RPH3A: variants seen among roughly 807,000 people sequenced by gnomAD.
RPH3A encodes rabphilin 3A, also known as rabphilin-3A.
Under a neutral mutation model 102.2 loss-of-function variants are expected in RPH3A, and 48 were observed. The observed-to-expected ratio is 0.47, with a 90% CI of 0.37 to 0.60. The LOEUF (loss-of-function observed/expected upper bound fraction) is 0.60, where lower values mean the gene tolerates loss of function less well. Among genes scored for constraint, RPH3A ranks in the 20% least tolerant of loss-of-function variants. The pLI, the probability that RPH3A is intolerant of heterozygous loss-of-function variation, is 0.00. For synonymous variants in RPH3A, 310 were observed against 324.3 expected, an observed-to-expected ratio of 0.96 and a Z score of 0.47; for missense variants, 781 against 910.1, an observed-to-expected ratio of 0.86 and a Z score of 1.83.
intron 1 of RPH3A, among the ~76,000 whole-genome samples, chr12:112,712,925 C>CTTCTTCTTCTTCCTCT (rs1565856803): frequency 5.3e-5 from 5 of 94,528 alleles, no homozygotes; most frequent in African/African-American, 1.8e-4. Flanking sequence ...CTTCTTCTTC[C>CTTCTTCTTCTTCCTCT]TCTTCTTCTT....
chr12:112,858,148 TCA>T (rs2042441585), intron 5 of RPH3A, among the ~76,000 whole-genome samples: 1 of 148,056 alleles, frequency 6.8e-6, no homozygotes, highest in Non-Finnish European at 1.5e-5. Context: ...GCACCTGGAG[TCA>T]CAACTACTTG....
intron 1 of RPH3A, among the ~76,000 whole-genome samples, chr12:112,647,732 A>G (rs2039941910): frequency 6.6e-6 from 1 of 152,172 alleles, no homozygotes. Context: ...AAGAGCAGGG[A>G]ACAGCTTTTC....
At chr12:112,891,256 T>C (rs1189044567) in intron 19 of RPH3A, 2 of 508,476 alleles carry the variant, frequency 3.9e-6, no homozygotes, top group Admixed American at 3.4e-5. Flanking sequence ...GGCCTGCTGA[T>C]GGCTCTGCAA....
intron 1 of RPH3A, among the ~76,000 whole-genome samples, chr12:112,633,136 G>A (rs968317762): frequency 2.0e-5 from 3 of 152,154 alleles, no homozygotes; most frequent in Non-Finnish European, 2.9e-5. Context: ...GAGCCCAGGA[G>A]TTCACTTGAG....
intron 1 of RPH3A, among the ~76,000 whole-genome samples, chr12:112,602,652 G>T (rs2039567556): frequency 6.6e-6 from 1 of 152,136 alleles, no homozygotes; most frequent in African/African-American, 2.4e-5. Context: ...AACCAGGCGT[G>T]GTGGTGCATG....
intron 1 of RPH3A, among the ~76,000 whole-genome samples, chr12:112,739,746 C>T (rs1025461026): frequency 2.6e-5 from 4 of 152,344 alleles, no homozygotes; most frequent in Middle Eastern, 3.4e-3. Context: ...TTCCACACTT[C>T]TTTGTCACTT....
intron 1 of RPH3A, among the ~76,000 whole-genome samples, chr12:112,648,488 A>C (rs558993334): frequency 6.8e-6 from 1 of 146,264 alleles, no homozygotes; most frequent in East Asian, 2.0e-4. Flanking sequence ...GAATCCCAGC[A>C]CTTTGGGAGG....
intron 1 of RPH3A, among the ~76,000 whole-genome samples, chr12:112,774,920 A>G (rs565129261): frequency 1.3e-5 from 2 of 152,314 alleles, no homozygotes; most frequent in African/African-American, 4.8e-5. Flanking sequence ...ATGTTTACCT[A>G]TGTAACAAAC....
chr12:112,817,191 A>G (rs185320419), intron 2 of RPH3A, among the ~76,000 whole-genome samples: 1 of 152,260 alleles, frequency 6.6e-6, no homozygotes, highest in East Asian at 1.9e-4. Context: ...GCTATGCACT[A>G]TCATTGTTGA....
intron 1 of RPH3A, among the ~76,000 whole-genome samples, chr12:112,763,294 G>C (rs934622171): frequency 1.3e-5 from 2 of 152,234 alleles, no homozygotes; most frequent in African/African-American, 4.8e-5. Flanking sequence ...AATACTTGAA[G>C]AGATTTATTC....
chr12:112,710,065 C>G (rs1174122639), intron 1 of RPH3A, among the ~76,000 whole-genome samples: 1 of 152,062 alleles, frequency 6.6e-6, no homozygotes, highest in Non-Finnish European at 1.5e-5. Context: ...AGCTCCGCCG[C>G]CCGGGTTCAC....
At chr12:112,751,391 G>A (rs1017027808) in intron 1 of RPH3A, among the ~76,000 whole-genome samples, 6 of 152,164 alleles carry the variant, frequency 3.9e-5, no homozygotes, top group Admixed American at 6.5e-5. Context: ...GTTGTGTGAC[G>A]TTGAAAGGTT....
chr12:112,839,626 A>G (rs2042109760), intron 4 of RPH3A, among the ~76,000 whole-genome samples: 1 of 152,224 alleles, frequency 6.6e-6, no homozygotes, highest in South Asian at 2.1e-4. Context: ...GACTAGTGCA[A>G]CATCACTCCC....
At chr12:112,682,667 A>G (rs2040235649) in intron 1 of RPH3A, among the ~76,000 whole-genome samples, 1 of 152,162 alleles carries the variant, frequency 6.6e-6, no homozygotes, top group Non-Finnish European at 1.5e-5. Context: ...TCCAGCCAGC[A>G]GCAGAGAGAT....
At chr12:112,693,315 G>T (rs1364535351) in intron 1 of RPH3A, among the ~76,000 whole-genome samples, 1 of 152,176 alleles carries the variant, frequency 6.6e-6, no homozygotes, top group Admixed American at 6.5e-5. Flanking sequence ...TGTCACTCTG[G>T]CTGGTGACAT....
chr12:112,873,658 G>A (rs148442412), intron 10 of RPH3A, among the ~76,000 whole-genome samples: 14 of 152,262 alleles, frequency 9.2e-5, no homozygotes, highest in Middle Eastern at 3.4e-3. Flanking sequence ...TCCTACCTTC[G>A]GGGCTTCCTG....
chr12:112,621,632 G>T (rs982930145), intron 1 of RPH3A, among the ~76,000 whole-genome samples: 4 of 151,596 alleles, frequency 2.6e-5, no homozygotes, highest in Middle Eastern at 3.4e-3. Context: ...GGCTGGGGGA[G>T]GGGCGCCCGC....
intron 1 of RPH3A, among the ~76,000 whole-genome samples, chr12:112,755,382 T>G (rs1201749801): frequency 1.3e-5 from 2 of 152,008 alleles, no homozygotes; most frequent in Non-Finnish European, 2.9e-5. Flanking sequence ...TGTGTCCGTT[T>G]AAGTACTGTT....
intron 1 of RPH3A, among the ~76,000 whole-genome samples, chr12:112,712,940 T>C (rs557018311): frequency 3.5e-5 from 4 of 115,328 alleles, no homozygotes; most frequent in South Asian, 3.5e-4. Flanking sequence ...CTTCTTCTTC[T>C]TCTTCTTCTT....
Sources: allele counts gnomAD v4.1 joint callset (sites outside exome capture counted in the v4.1 genomes callset), GRCh38; gene constraint gnomAD v4.1.1; transcripts MANE v1.5; gene names NCBI Gene and HGNC (gene_info 2026-07-23, HGNC 2026-07-21).